The following SART1 variants were observed in gnomAD, a reference collection of about 807,000 sequenced individuals.
The protein encoded by SART1 is U4/U6.U5 tri-snRNP-associated protein 1.
Under a neutral mutation model 105.0 loss-of-function variants are expected in SART1, and 28 were observed. The ratio of observed to expected loss-of-function variants is 0.27; its 90% CI spans 0.20 to 0.37. The LOEUF (loss-of-function observed/expected upper bound fraction) is 0.37, where lower values mean the gene tolerates loss of function less well. Among genes scored for constraint, SART1 ranks in the 10% least tolerant of loss-of-function variants. The pLI is 1.00. For missense variants in SART1, 894 were observed against 1,106.5 expected, an observed-to-expected ratio of 0.81 and a Z score of 2.72; for synonymous variants, 472 against 462.9, an observed-to-expected ratio of 1.02 and a Z score of -0.25.
At chr11:65,975,118 T>C (rs2134920041) in intron 12 of SART1, among the ~76,000 whole-genome samples, 1 of 151,506 alleles carries the variant, frequency 6.6e-6, no homozygotes, top group African/African-American at 2.4e-5. Context: ...TTTTTTTTTT[T>C]TTGGAGACAG....
At chr11:65,977,978 A>T in intron 17 of SART1, 79 bp downstream of exon 17, 1 of 1,463,694 alleles carries the variant, frequency 6.8e-7, no homozygotes, top group Non-Finnish European at 9.3e-7. Flanking sequence ...GCCCCGGGCC[A>T]TGCAATGCCC....
intron 12 of SART1, among the ~76,000 whole-genome samples, chr11:65,971,676 G>A (rs1174665563): frequency 1.3e-5 from 2 of 151,964 alleles, no homozygotes; most frequent in African/African-American, 4.8e-5. Context: ...CCCTGAAGCA[G>A]TGGATGGTGG....
intron 12 of SART1, among the ~76,000 whole-genome samples, chr11:65,968,878 C>G (rs1180812625): frequency 6.6e-6 from 1 of 152,180 alleles, no homozygotes; most frequent in African/African-American, 2.4e-5. Context: ...CTCACATGTT[C>G]TGTGTTTGTT....
At chr11:65,962,367 A>C (rs1173425843) in intron 1 of SART1, among the ~76,000 whole-genome samples, 3 of 152,206 alleles carry the variant, frequency 2.0e-5, no homozygotes, top group East Asian at 1.9e-4. Context: ...TTAGGATTAG[A>C]GGTTGACTTT....
In SART1 at chr11:65,967,401, G is replaced by A; in HGVS notation, c.1313+18G>A. On this transcript the variant is annotated intron_variant, in intron 10 of 19. Transcript: ENST00000312397. ...GGTTCCAGGTGGGCTTGGACACGGT[G>A]GTGGGGCGAGATGGCTGGGCTGGGG... The A allele has an allele frequency of 6.2e-7, 1 of 1,614,006 alleles. No homozygotes were observed. The highest frequency in any genetic ancestry group is 8.5e-7 in the Non-Finnish European group (1 of 1,179,944).
rs1855244012 is a variant in SART1, at chr11:65,965,947, C to T, written c.799C>T (p.Arg267Ter). ...CGTGGAGCATGCCATTGATTCCTTC[C>T]GAGAAGGGGAGACAATGATTCTTAC... The part of the protein sequence containing the change: ...LTVEHAIDSF[R>*]EGETMILTLK... Residue 267 changes from arginine to a stop codon, truncating the protein, a stop_gained, in exon 7 of 20, where the codon CGA (arginine) becomes TGA (stop). Transcript: ENST00000312397. LOFTEE classifies it high-confidence loss of function. 6.2e-7 allele frequency: 1 copy of T among 1,614,040 alleles called. No individual in the cohort carries two copies. Among genetic ancestry groups the T allele is most frequent in the Non-Finnish European group, 8.5e-7 (1 of 1,180,024 alleles).
Position 65,978,764 on chromosome 11 carries a change from G to A in SART1, c.2263-29G>A. The A allele has an allele frequency of 6.2e-7, 1 of 1,613,896 alleles. No individual in the cohort carries two copies. The highest frequency in any genetic ancestry group is 8.5e-7 in the Non-Finnish European group (1 of 1,179,886). ...TGGCTGGTGTGTGGGGCCTGCTGCA[G>A]CCCTTTCTGAGTGGCCCCGACCCCT... On this transcript the variant is annotated intron_variant, in intron 18 of 19. Coordinates refer to ENST00000312397, the MANE Select transcript of SART1 (RefSeq NM_005146.5). The surrounding 1 kb of genome is among the most constrained non-coding windows in gnomAD (Gnocchi z 6.8).
chr11:65,965,928 G>A lies in SART1; in HGVS notation c.780G>A (p.Glu260=), dbSNP rs766394491. 74 of 1,613,986 alleles carry A rather than the reference G, an allele frequency of 4.6e-5. No homozygotes were observed. The highest frequency in any genetic ancestry group is 6.2e-5 in the Non-Finnish European group (73 of 1,180,036). The part of the protein sequence containing the change: ...SARDLQGLTV[E]HAIDSFREGE... ...GGGACCTGCAGGGCCTCACCGTGGA[G>A]CATGCCATTGATTCCTTCCGAGAAG... Residue 260 remains glutamate, a synonymous_variant, in exon 7 of 20, where the codon GAG becomes GAA. Coordinates refer to ENST00000312397, the MANE Select transcript of SART1 (RefSeq NM_005146.5).
intron 7 of SART1, 33 bp downstream of exon 7, chr11:65,966,019 C>T: frequency 6.2e-7 from 1 of 1,613,972 alleles, no homozygotes; most frequent in Non-Finnish European, 8.5e-7. Flanking sequence ...GGTGGGGGCA[C>T]AGCCTCTGCT....
chr11:65,962,138 C>T (rs1855156651), intron 1 of SART1, 45 bp downstream of exon 1: 1 of 1,128,074 alleles, frequency 8.9e-7, no homozygotes, highest in Non-Finnish European at 1.2e-6. Context: ...GGCGGGGGTC[C>T]CGGAACGCGT....
intron 12 of SART1, among the ~76,000 whole-genome samples, chr11:65,974,829 A>AT (rs1212582814): frequency 6.6e-6 from 1 of 152,066 alleles, no homozygotes; most frequent in East Asian, 1.9e-4. Flanking sequence ...AGGTCAGGAG[A>AT]TGGAGACCAT....
Position 65,978,364 on chromosome 11 carries a change from T to G in SART1, c.2173-236T>G. On this transcript the variant is annotated intron_variant, in intron 17 of 19. Coordinates refer to ENST00000312397, the MANE Select transcript of SART1 (RefSeq NM_005146.5). This position sits in a 1 kb window ranked among gnomAD's most constrained non-coding sequence, Gnocchi z 6.8. ...AGCCCCTGCGTGGCAGGTCTCCAGG[T>G]TCCCCATGCTCTGCCCCCATGGCAG... 1 of 562,072 alleles carries G rather than the reference T, an allele frequency of 1.8e-6. No individual in the cohort carries two copies. The highest frequency in any genetic ancestry group is 3.2e-6 in the Non-Finnish European group (1 of 313,192). The allele number at this position is 562,072 out of a possible 1,614,324, so 34.8% of individuals were successfully genotyped here.
chr11:65,979,000 T>G lies in SART1; in HGVS notation c.2385-12T>G, dbSNP rs1306878622. On this transcript the variant is annotated splice_polypyrimidine_tract_variant and intron_variant, in intron 19 of 19. Coordinates refer to ENST00000312397, the MANE Select transcript of SART1 (RefSeq NM_005146.5). This position sits in a 1 kb window ranked among gnomAD's most constrained non-coding sequence, Gnocchi z 6.8. ...CGCCTCTGCAGCCTCACGCCCCTGT[T>G]CTTCTCTGCAGGAACACCATCACCA... 1 of 1,614,088 alleles carries G rather than the reference T, an allele frequency of 6.2e-7. No homozygotes were observed. The highest frequency in any genetic ancestry group is 2.2e-5 in the East Asian group (1 of 44,866).
At chr11:65,977,925 G>C (rs1855517522) in intron 17 of SART1, 26 bp downstream of exon 17, 1 of 1,573,962 alleles carries the variant, frequency 6.4e-7, no homozygotes, top group Non-Finnish European at 8.6e-7. Context: ...TGCAGGCGGA[G>C]GCCCGGCCTG....
chr11:65,977,173 G>T (rs780957371), intron 15 of SART1, 72 bp downstream of exon 15: 3 of 1,119,074 alleles, frequency 2.7e-6, no homozygotes, highest in Non-Finnish European at 4.0e-6. Context: ...GGCCCCCTCC[G>T]GTCCCCTCTG....
intron 12 of SART1, among the ~76,000 whole-genome samples, chr11:65,975,559 AC>A (rs1268305151): frequency 6.6e-6 from 1 of 150,376 alleles, no homozygotes. Context: ...GGCGTGTGTG[AC>A]CACAATGTCT....
intron 12 of SART1, among the ~76,000 whole-genome samples, chr11:65,968,806 C>T (rs188208800): frequency 2.6e-5 from 4 of 152,258 alleles, no homozygotes; most frequent in South Asian, 4.1e-4. Context: ...AGGGGGCCAA[C>T]GCAGGGGGAG....
In SART1 at chr11:65,978,744, G is replaced by C; in HGVS notation, c.2263-49G>C. On this transcript the variant is annotated intron_variant, in intron 18 of 19. Transcript: ENST00000312397. The surrounding 1 kb of genome is among the most constrained non-coding windows in gnomAD (Gnocchi z 6.8). ...TGTGCCTGCCGGGGCAGGGGTGGCT[G>C]GTGTGTGGGGCCTGCTGCAGCCCTT... The C allele has an allele frequency of 6.2e-7, 1 of 1,613,758 alleles. No homozygotes were observed. Among genetic ancestry groups the C allele is most frequent in the Non-Finnish European group, 8.5e-7 (1 of 1,179,806 alleles).
At position 65,961,779 on chromosome 11, in the gene SART1, C is replaced by T. The variant is rs1285170005; in HGVS notation, c.-2C>T. 6.5e-7 allele frequency: 1 copy of T among 1,531,362 alleles called. No homozygotes were observed. The highest frequency in any genetic ancestry group is 8.7e-7 in the Non-Finnish European group (1 of 1,147,170). The allele number at this position is 1,531,362 out of a possible 1,614,324, so 94.9% of individuals were successfully genotyped here. On this transcript the variant is annotated 5_prime_UTR_variant, in exon 1 of 20. Transcript: ENST00000312397. ...AGCCGGGCTCGGAGTGGACGTGCCA[C>T]TATGGGGTCGTCCAAGAAGCATCGC...
Sources: gnomAD v4.1 joint callset for allele counts (sites outside exome capture counted in the v4.1 genomes callset) on GRCh38, gnomAD v4.1.1 for gene constraint, Gnocchi (gnomAD v3.1) non-coding constraint, MANE v1.5 for transcripts, NCBI Gene and HGNC (gene_info 2026-07-23, HGNC 2026-07-21) for gene names.